SULF1: variants seen among roughly 807,000 people sequenced by gnomAD.
SULF1 encodes sulfatase 1.
SULF1 carries 46 observed loss-of-function variants against 110.5 expected under a neutral mutation model. The ratio of observed to expected loss-of-function variants is 0.42; its 90% CI spans 0.33 to 0.53. The LOEUF (loss-of-function observed/expected upper bound fraction) is 0.53, where lower values mean the gene tolerates loss of function less well. Ranked by LOEUF, SULF1 falls within the 20% of genes least tolerant of loss-of-function variation. SULF1 has a pLI of 0.12. For missense variants in SULF1, 941 were observed against 1,094.2 expected (o/e 0.86, Z 1.98); for synonymous variants, 371 against 387.1 (o/e 0.96, Z 0.49).
chr8:69,486,987 G>A (rs2150549141), intron 1 of SULF1, among the ~76,000 whole-genome samples: 1 of 152,212 alleles, frequency 6.6e-6, no homozygotes, highest in Non-Finnish European at 1.5e-5. Context: ...CTAGTAAATG[G>A]GAAAAGAATT....
intron 12 of SULF1, among the ~76,000 whole-genome samples, chr8:69,604,081 G>A (rs1052628248): frequency 1.3e-5 from 2 of 152,040 alleles, no homozygotes; most frequent in Non-Finnish European, 2.9e-5. Context: ...TATATCACAC[G>A]TACCCCCAAA....
intron 2 of SULF1, among the ~76,000 whole-genome samples, chr8:69,499,601 T>A (rs1240079949): frequency 6.6e-6 from 1 of 152,192 alleles, no homozygotes; most frequent in African/African-American, 2.4e-5. Context: ...CACCCTTCTC[T>A]ATTCTGGGAA....
At chr8:69,546,413 G>A (rs781133168) in intron 3 of SULF1, among the ~76,000 whole-genome samples, 5 of 152,172 alleles carry the variant, frequency 3.3e-5, no homozygotes, top group Admixed American at 6.5e-5. Context: ...TGAATTTCCA[G>A]GAATGCAGCA....
At chr8:69,601,497 A>G (rs999315948) in intron 9 of SULF1, among the ~76,000 whole-genome samples, 157 bp from the exon 10 acceptor site, 2 of 152,206 alleles carry the variant, frequency 1.3e-5, no homozygotes, top group African/African-American at 4.8e-5. Context: ...TCCCTCCCAG[A>G]CTGTAAGCAA....
rs142911687 is a variant in SULF1 at position 69,541,602 on chromosome 8, A to G, written c.-133-21937A>G. On this transcript the variant is annotated intron_variant, in intron 3 of 22. Transcript: ENST00000402687. ...TGACATTTTTAAAGCAAGCACAGTA[A>G]TCTCTGAACATGTATTTGAAAGTAC... Among the ~76,000 whole-genome samples, 227 of 152,382 alleles carry G rather than the reference A, an allele frequency of 1.5e-3. 1 individual carries two copies. The highest frequency in any genetic ancestry group is 2.4e-3 in the Non-Finnish European group (165 of 68,042).
At chr8:69,510,015 A>G (rs1051592226) in intron 3 of SULF1, among the ~76,000 whole-genome samples, 13 of 152,268 alleles carry the variant, frequency 8.5e-5, no homozygotes, top group Non-Finnish European at 1.8e-4. Context: ...AATGTGACAG[A>G]CAATAATTCT....
intron 3 of SULF1, among the ~76,000 whole-genome samples, chr8:69,517,777 C>A (rs1234799440): frequency 6.6e-6 from 1 of 152,148 alleles, no homozygotes; most frequent in Non-Finnish European, 1.5e-5. Flanking sequence ...TCTATATTTT[C>A]ATTTTTGTTT....
intron 1 of SULF1, among the ~76,000 whole-genome samples, chr8:69,478,057 G>T (rs957370275): frequency 6.6e-6 from 1 of 151,994 alleles, no homozygotes; most frequent in African/African-American, 2.4e-5. Context: ...TTCTCCCTAT[G>T]TTGCCCAACT....
rs748826954 is a variant in SULF1 at position 69,568,830 on chromosome 8, C to T, written c.172+4683C>T. Among the ~76,000 whole-genome samples, 3 of 152,104 alleles carry T rather than the reference C, an allele frequency of 2.0e-5. No homozygotes were observed. In the South Asian group the frequency reaches 6.2e-4, roughly 32 times the overall value. ...CTACCACTGGGGAAAAAGTGATGAC[C>T]GAGAGCATCAGTACATTCACATTCT... On this transcript the variant is annotated intron_variant, in intron 5 of 22. Coordinates refer to ENST00000402687, the MANE Select transcript of SULF1 (RefSeq NM_001128205.2).
At chr8:69,649,076 C>T (rs943481435) in intron 22 of SULF1, among the ~76,000 whole-genome samples, 24 of 152,128 alleles carry the variant, frequency 1.6e-4, no homozygotes, top group African/African-American at 4.8e-4. Flanking sequence ...AGCTTCCAAA[C>T]GACCAAAGAA....
At chr8:69,507,146 C>T (rs1288447439) in intron 3 of SULF1, among the ~76,000 whole-genome samples, 1 of 152,172 alleles carries the variant, frequency 6.6e-6, no homozygotes, top group Non-Finnish European at 1.5e-5. Flanking sequence ...TGGATTCTTA[C>T]AACACCATGA....
At chr8:69,655,335 G>A (rs1812647385) in intron 22 of SULF1, among the ~76,000 whole-genome samples, 1 of 152,142 alleles carries the variant, frequency 6.6e-6, no homozygotes, top group Non-Finnish European at 1.5e-5. Flanking sequence ...CATTTTATGA[G>A]CCCCAGTGGC....
chr8:69,575,291 C>T (rs73293342), intron 5 of SULF1, among the ~76,000 whole-genome samples: 6 of 151,300 alleles, frequency 4.0e-5, no homozygotes, highest in East Asian at 1.9e-4. Context: ...CAAATACTTT[C>T]GAGTGCAATC....
rs149562933 is a variant in SULF1, at chr8:69,586,358, C to A, written c.414C>A (p.Ala138=). ...AATAATTCTTTTTTCCCACTGCAGC[C>A]TTTTTTGGAAAATACCTCAATGAAT... ...VYLNNTGYRT[A]FFGKYLNEYN... is the part of the protein sequence containing the mutation. Residue 138 remains alanine (A), a splice_region_variant and synonymous_variant, in exon 7 of 23, where the codon GCC becomes GCA. Transcript: ENST00000402687. 81 of 1,553,434 alleles carry A rather than the reference C, an allele frequency of 5.2e-5. No individual in the cohort carries two copies. Among genetic ancestry groups the A allele is most frequent in the Middle Eastern group, 3.4e-4 (2 of 5,936 alleles).
At chr8:69,611,054 G>T (rs148766863) in intron 13 of SULF1, among the ~76,000 whole-genome samples, 19 of 152,362 alleles carry the variant, frequency 1.2e-4, no homozygotes, top group Non-Finnish European at 2.4e-4. Context: ...TGATCAAGGT[G>T]CTTTGGGATT....
chr8:69,478,533 C>A (rs916493322), intron 1 of SULF1, among the ~76,000 whole-genome samples: 4 of 152,252 alleles, frequency 2.6e-5, no homozygotes, highest in African/African-American at 9.6e-5. Flanking sequence ...ACACTGTTTT[C>A]TGGGCTAGGA....
Position 69,623,936 on chromosome 8 carries a change from T to A in SULF1, c.1595-6T>A. The stretch of plus-strand genomic sequence containing the variant: ...TCCATAGTAATGTATCTTCCCTTAC[T>A]TCTAGAGTACAAGCCCAGATTTGTC... On this transcript the variant is annotated splice_region_variant and splice_polypyrimidine_tract_variant and intron_variant, in intron 14 of 22. Transcript: ENST00000402687. The A allele has an allele frequency of 6.2e-7, 1 of 1,609,978 alleles. No homozygotes were observed. The highest frequency in any genetic ancestry group is 8.5e-7 in the Non-Finnish European group (1 of 1,177,834).
intron 19 of SULF1, among the ~76,000 whole-genome samples, chr8:69,637,068 C>T (rs914897244): frequency 3.3e-5 from 5 of 152,164 alleles, no homozygotes; most frequent in African/African-American, 1.2e-4. Context: ...TAAGAGAAGA[C>T]AACACTTCAA....
At chr8:69,538,563 G>C (rs746479042) in intron 3 of SULF1, among the ~76,000 whole-genome samples, 44 of 152,326 alleles carry the variant, frequency 2.9e-4, no homozygotes, top group Non-Finnish European at 5.1e-4. Context: ...TAATGGTATG[G>C]AGAGGTGCTT....
Sources: allele counts gnomAD v4.1 joint callset (sites outside exome capture counted in the v4.1 genomes callset), GRCh38; gene constraint gnomAD v4.1.1; transcripts MANE v1.5; gene names NCBI Gene and HGNC (gene_info 2026-07-23, HGNC 2026-07-21).